CNTN4: variants seen among roughly 807,000 people sequenced by gnomAD.
The protein encoded by CNTN4 is contactin 4.
In CNTN4, 77 loss-of-function variants were observed where a neutral mutation model predicts 122.5. That is an observed-to-expected ratio of 0.63 (90% CI 0.52 to 0.76). The LOEUF (loss-of-function observed/expected upper bound fraction) is 0.76. Among genes scored for constraint, CNTN4 ranks in the 30% least tolerant of loss-of-function variants. The pLI is 0.00. For synonymous variants in CNTN4, 512 were observed against 447.0 expected (o/e 1.15, Z -1.83); for missense variants, 1,256 against 1,259.1 (o/e 1.00, Z 0.04).
rs1220761684 is a variant in CNTN4 at position 2,600,005 on chromosome 3, C to CTTTTTTTTTTT, written c.55+28449_55+28450insTTTTTTTTTTT. Among the ~76,000 whole-genome samples the CTTTTTTTTTTT allele has an allele frequency of 2.8e-3, 78 of 28,298 alleles. 17 individuals are homozygous for CTTTTTTTTTTT. Among genetic ancestry groups the CTTTTTTTTTTT allele is most frequent in the Middle Eastern group, 0.033 (1 of 30 alleles). 18.6% of individuals were successfully genotyped at this position (28,298 alleles called of 152,430 possible). ...CAACTCTATTTTGGTTTATGGAATT[C>CTTTTTTTTTTT]TTCTTTTTTTTTTTTTTTTTTTTTT... On this transcript the variant is annotated intron_variant, in intron 4 of 24. Transcript: ENST00000418658.
At chr3:3,034,898 A>G (rs1699468234) in intron 17 of CNTN4, 108 bp downstream of exon 17, 3 of 1,164,620 alleles carry the variant, frequency 2.6e-6, no homozygotes, top group Non-Finnish European at 3.9e-6. Flanking sequence ...TACAAATGAT[A>G]TATTATGGCA....
At chr3:2,581,870 G>A (rs1159661544) in intron 4 of CNTN4, among the ~76,000 whole-genome samples, 4 of 152,170 alleles carry the variant, frequency 2.6e-5, no homozygotes, top group South Asian at 2.1e-4. Flanking sequence ...TGAAGATACC[G>A]TGCTAAGTGA....
At chr3:2,702,934 A>G (rs755375864) in intron 4 of CNTN4, among the ~76,000 whole-genome samples, 31 of 152,218 alleles carry the variant, frequency 2.0e-4, no homozygotes, top group Admixed American at 7.2e-4. Context: ...TTCCAAGGGT[A>G]AGACCCAGTT....
At chr3:2,623,154 C>T (rs62232708) in intron 4 of CNTN4, among the ~76,000 whole-genome samples, 44 of 151,920 alleles carry the variant, frequency 2.9e-4, no homozygotes, top group Non-Finnish European at 5.1e-4. Context: ...TTCATCTTCA[C>T]GTTTTTCAAA....
intron 3 of CNTN4, among the ~76,000 whole-genome samples, chr3:2,561,401 G>C (rs993048041): frequency 6.6e-6 from 1 of 152,148 alleles, no homozygotes; most frequent in Non-Finnish European, 1.5e-5. Context: ...TACCCAGAAA[G>C]CATGGGAAAG....
At chr3:2,242,094 C>T (rs929184708) in intron 2 of CNTN4, among the ~76,000 whole-genome samples, 11 of 152,034 alleles carry the variant, frequency 7.2e-5, no homozygotes, top group Non-Finnish European at 1.5e-4. Flanking sequence ...AGGAAGAACA[C>T]AATTATTTTA....
intron 8 of CNTN4, among the ~76,000 whole-genome samples, chr3:2,877,756 A>G (rs2093861483): frequency 6.6e-6 from 1 of 152,216 alleles, no homozygotes; most frequent in Non-Finnish European, 1.5e-5. Flanking sequence ...GCAGCTGTGC[A>G]CCAATTAATT....
intron 4 of CNTN4, among the ~76,000 whole-genome samples, chr3:2,732,670 A>C (rs1402932359): frequency 6.6e-6 from 1 of 152,164 alleles, no homozygotes; most frequent in Non-Finnish European, 1.5e-5. Flanking sequence ...CGCCTCTCTC[A>C]GGACTCTTTG....
chr3:2,914,972 A>T (rs1249828094), intron 12 of CNTN4, among the ~76,000 whole-genome samples: 1 of 152,262 alleles, frequency 6.6e-6, no homozygotes, highest in Non-Finnish European at 1.5e-5. Context: ...GGCTCAACAT[A>T]CAATAATCAG....
intron 2 of CNTN4, among the ~76,000 whole-genome samples, chr3:2,120,841 T>C (rs2033726840): frequency 6.6e-6 from 1 of 152,172 alleles, no homozygotes; most frequent in African/African-American, 2.4e-5. Context: ...ATGAGTAATA[T>C]TAATTGAACA....
rs975341216 is a variant in CNTN4, at chr3:3,006,739, C to T, written c.1486+18267C>T. 5.3e-5 allele frequency among the ~76,000 whole-genome samples: 8 copies of T among 152,150 alleles called. No homozygotes were observed. In the East Asian group the frequency reaches 1.3e-3, roughly 26 times the overall value. ...TGTCTGCCAGGCCCGATTTCATATA[C>T]TAACTCCAGACGTTCTTAGCAGCTC... On this transcript the variant is annotated intron_variant, in intron 14 of 24. Coordinates refer to ENST00000418658, the MANE Select transcript of CNTN4 (RefSeq NM_175607.3).
chr3:2,855,349 T>C (rs2093606865), intron 7 of CNTN4, among the ~76,000 whole-genome samples: 1 of 152,242 alleles, frequency 6.6e-6, no homozygotes, highest in Non-Finnish European at 1.5e-5. Context: ...ACTGATAGTC[T>C]TTGTGGTCTT....
At chr3:2,277,046 C>T (rs1419130627) in intron 2 of CNTN4, among the ~76,000 whole-genome samples, 1 of 151,770 alleles carries the variant, frequency 6.6e-6, no homozygotes, top group African/African-American at 2.4e-5. Context: ...AAATAGGCAA[C>T]AAGATTGAGA....
intron 2 of CNTN4, among the ~76,000 whole-genome samples, chr3:2,289,635 A>AT (rs892934400): frequency 1.3e-3 from 201 of 151,654 alleles, no homozygotes; most frequent in African/African-American, 4.3e-3. Context: ...TCAACTTGGG[A>AT]TTTTTTTTTA....
chr3:2,486,607 T>C (rs1423759794), intron 3 of CNTN4, among the ~76,000 whole-genome samples: 2 of 152,212 alleles, frequency 1.3e-5, no homozygotes, highest in Non-Finnish European at 2.9e-5. Flanking sequence ...AAAAAAATTA[T>C]AAGACACTAA....
intron 4 of CNTN4, among the ~76,000 whole-genome samples, chr3:2,691,479 T>C (rs2085737018): frequency 6.6e-6 from 1 of 152,146 alleles, no homozygotes; most frequent in African/African-American, 2.4e-5. Context: ...GGAAGTCTGT[T>C]GTGTGGCTCC....
intron 3 of CNTN4, among the ~76,000 whole-genome samples, chr3:2,556,169 C>A (rs573413641): frequency 9.2e-5 from 14 of 152,128 alleles, no homozygotes; most frequent in African/African-American, 3.4e-4. Context: ...GTATTTATAG[C>A]AAAACAAAAA....
chr3:2,250,289 G>A (rs1195162238), intron 2 of CNTN4, among the ~76,000 whole-genome samples: 2 of 151,800 alleles, frequency 1.3e-5, no homozygotes, highest in East Asian at 1.9e-4. Flanking sequence ...AATTAATAGC[G>A]AAATGTGACT....
chr3:2,838,682 A>G (rs1001650959), intron 7 of CNTN4, among the ~76,000 whole-genome samples: 9 of 152,094 alleles, frequency 5.9e-5, no homozygotes, highest in African/African-American at 1.9e-4. Flanking sequence ...CTTGAAGCAG[A>G]CTAATGATTC....
Sources: allele counts gnomAD v4.1 joint callset (sites outside exome capture counted in the v4.1 genomes callset), GRCh38; gene constraint gnomAD v4.1.1; transcripts MANE v1.5; gene names NCBI Gene and HGNC (gene_info 2026-07-23, HGNC 2026-07-21).